Variants in PAPPA2 observed in about 807,000 individuals in gnomAD.
PAPPA2 encodes the protein pappalysin-2.
A neutral mutation model predicts 176.4 loss-of-function variants in PAPPA2; 86 were observed. The observed-to-expected ratio is 0.49, with a 90% CI of 0.41 to 0.58. PAPPA2 has a LOEUF of 0.58. PAPPA2 is among the 20% of genes least tolerant of loss of function. PAPPA2 has a pLI of 0.00. For synonymous variants in PAPPA2, 809 were observed against 852.2 expected (o/e 0.95, Z 0.88); for missense variants, 2,073 against 2,256.9 (o/e 0.92, Z 1.65).
At chr1:176,842,311 G>A in intron 22 of PAPPA2, 69 bp from the exon 23 acceptor site, 1 of 1,423,778 alleles carries the variant, frequency 7.0e-7, no homozygotes, top group Non-Finnish European at 9.9e-7. Context: ...TGAGGAAAGT[G>A]AAAGCTCGTT....
intron 17 of PAPPA2, among the ~76,000 whole-genome samples, chr1:176,787,104 G>C (rs1664970981): frequency 6.6e-6 from 1 of 152,142 alleles, no homozygotes; most frequent in African/African-American, 2.4e-5. Flanking sequence ...AGTGCTGTTT[G>C]GAGGATTCAA....
At chr1:176,832,444 C>T (rs1176221296) in intron 21 of PAPPA2, among the ~76,000 whole-genome samples, 1 of 152,156 alleles carries the variant, frequency 6.6e-6, no homozygotes, top group Non-Finnish European at 1.5e-5. Flanking sequence ...CAATCTCTTC[C>T]CAGGCTCAAG....
At chr1:176,486,797 G>T (rs10913184) in intron 1 of PAPPA2, among the ~76,000 whole-genome samples, 29,605 of 152,044 alleles carry the variant, frequency 0.19, 3,938 homozygotes, top group African/African-American at 0.37. Context: ...ATGCGAGCAT[G>T]AAAAAAAGCA....
intron 3 of PAPPA2, among the ~76,000 whole-genome samples, chr1:176,638,367 A>G (rs1656851561): frequency 6.6e-6 from 1 of 152,080 alleles, no homozygotes; most frequent in Non-Finnish European, 1.5e-5. Flanking sequence ...AAGAAAAAAA[A>G]ACTGAGTGGC....
chr1:176,623,762 T>TCTTC (rs1655826759), intron 3 of PAPPA2, among the ~76,000 whole-genome samples: 1 of 65,676 alleles, frequency 1.5e-5, no homozygotes, highest in African/African-American at 9.0e-5. Context: ...TTCCTTCCTT[T>TCTTC]CTTTCTTTCT....
At chr1:176,466,971 T>G (rs945376062) in intron 1 of PAPPA2, among the ~76,000 whole-genome samples, 2 of 152,224 alleles carry the variant, frequency 1.3e-5, no homozygotes, top group African/African-American at 4.8e-5. Flanking sequence ...CCAACCCTTC[T>G]GCGAAACAGT....
chr1:176,638,727 AT>A (rs913535760), intron 3 of PAPPA2, among the ~76,000 whole-genome samples: 1 of 151,096 alleles, frequency 6.6e-6, no homozygotes, highest in East Asian at 2.0e-4. Flanking sequence ...GGATTCTCGG[AT>A]TTTTTTTTCT....
rs142701987 is a variant in PAPPA2, at chr1:176,581,664, T to A, written c.920-12860T>A. Among the ~76,000 whole-genome samples, 458 of 152,226 alleles carry A rather than the reference T, an allele frequency of 3.0e-3. 3 individuals are homozygous for A. The highest frequency in any genetic ancestry group is 0.01 in the African/African-American group (431 of 41,566). ...TGTGTTGTAGTTTTCCTTGTAGAGATCTTTTACATCCTTGGTTACACTTAT... is the reference window on the plus strand; with the variant it reads ...TGTGTTGTAGTTTTCCTTGTAGAGAACTTTTACATCCTTGGTTACACTTAT... On this transcript the variant is annotated intron_variant, in intron 2 of 22. Coordinates refer to ENST00000367662, the MANE Select transcript of PAPPA2 (RefSeq NM_020318.3).
intron 20 of PAPPA2, among the ~76,000 whole-genome samples, chr1:176,798,876 T>A (rs1022785035): frequency 1.3e-5 from 2 of 152,226 alleles, no homozygotes; most frequent in African/African-American, 4.8e-5. Flanking sequence ...ATTTTCCCTC[T>A]AGAGAAGCTG....
At chr1:176,687,949 G>C (rs1028202860) in intron 4 of PAPPA2, among the ~76,000 whole-genome samples, 2 of 152,128 alleles carry the variant, frequency 1.3e-5, no homozygotes, top group African/African-American at 4.8e-5. Flanking sequence ...ATTTTCAGGA[G>C]GGTAGTATGG....
chr1:176,779,310 T>C (rs942700938), intron 17 of PAPPA2, among the ~76,000 whole-genome samples: 1 of 152,064 alleles, frequency 6.6e-6, no homozygotes, highest in Non-Finnish European at 1.5e-5. Context: ...TTCAAGCCCA[T>C]TGAGTGAACA....
chr1:176,544,560 A>G (rs568474276), intron 1 of PAPPA2, among the ~76,000 whole-genome samples: 6 of 152,286 alleles, frequency 3.9e-5, no homozygotes, highest in South Asian at 2.1e-4. Context: ...CTGGCCACCA[A>G]TTGAGTGGCG....
At chr1:176,794,118 G>A (rs948526523) in intron 20 of PAPPA2, among the ~76,000 whole-genome samples, 4 of 152,246 alleles carry the variant, frequency 2.6e-5, no homozygotes. Flanking sequence ...TGCTCTGGGG[G>A]TTCTGCTTTG....
chr1:176,736,168 C>A (rs1259802706), intron 12 of PAPPA2, among the ~76,000 whole-genome samples: 1 of 151,994 alleles, frequency 6.6e-6, no homozygotes, highest in Non-Finnish European at 1.5e-5. Flanking sequence ...TGTTCACAAG[C>A]ATGCATTTGG....
At chr1:176,533,868 A>C (rs1171109221) in intron 1 of PAPPA2, among the ~76,000 whole-genome samples, 1 of 152,204 alleles carries the variant, frequency 6.6e-6, no homozygotes, top group Non-Finnish European at 1.5e-5. Context: ...CACTAGCTGC[A>C]CGTAGCTATT....
At chr1:176,725,961 T>C (rs1198265502) in intron 12 of PAPPA2, among the ~76,000 whole-genome samples, 6 of 152,162 alleles carry the variant, frequency 3.9e-5, no homozygotes, top group Non-Finnish European at 7.4e-5. Flanking sequence ...TTTGTATTTT[T>C]AGTAGAGACG....
intron 1 of PAPPA2, among the ~76,000 whole-genome samples, chr1:176,485,761 A>AT (rs945970974): frequency 1.2e-4 from 19 of 152,278 alleles, no homozygotes; most frequent in Admixed American, 2.6e-4. Flanking sequence ...AAATTCAGTG[A>AT]TTGGGAATTT....
intron 1 of PAPPA2, among the ~76,000 whole-genome samples, chr1:176,497,389 C>T (rs528030975): frequency 6.6e-6 from 1 of 152,268 alleles, no homozygotes; most frequent in African/African-American, 2.4e-5. Context: ...TCTACTACAT[C>T]ATTACCAAAG....
intron 14 of PAPPA2, among the ~76,000 whole-genome samples, chr1:176,756,691 C>A (rs1663436543): frequency 6.6e-6 from 1 of 151,892 alleles, no homozygotes; most frequent in Admixed American, 6.6e-5. Context: ...AGACAGGGGC[C>A]CTGTAGATAA....
Sources: allele counts gnomAD v4.1 joint callset (sites outside exome capture counted in the v4.1 genomes callset), GRCh38; gene constraint gnomAD v4.1.1; transcripts MANE v1.5; gene names NCBI Gene and HGNC (gene_info 2026-07-23, HGNC 2026-07-21).